The following FAT3 variants were observed in gnomAD, a reference collection of about 807,000 sequenced individuals.
FAT3 encodes protocadherin Fat 3.
Under a neutral mutation model 310.2 loss-of-function variants are expected in FAT3, and 95 were observed. The ratio of observed to expected loss-of-function variants is 0.31; its 90% CI spans 0.26 to 0.36. The LOEUF (loss-of-function observed/expected upper bound fraction) is 0.36. FAT3 is among the 10% of genes least tolerant of loss of function. The probability of loss-of-function intolerance (pLI) is 1.00; values close to 1 mark genes in which losing one functional copy is unlikely to be tolerated. For synonymous variants in FAT3, 2,314 were observed against 2,192.9 expected (o/e 1.06, Z -1.54); for missense variants, 5,408 against 5,715.6 (o/e 0.95, Z 1.74).
At chr11:92,638,133 C>G (rs1941834135) in intron 3 of FAT3, among the ~76,000 whole-genome samples, 1 of 152,100 alleles carries the variant, frequency 6.6e-6, no homozygotes, top group African/African-American at 2.4e-5. Flanking sequence ...CTGTCAGATG[C>G]CTTTCAGAAA....
chr11:92,437,294 A>T (rs1394297802), intron 2 of FAT3, among the ~76,000 whole-genome samples: 1 of 152,188 alleles, frequency 6.6e-6, no homozygotes, highest in East Asian at 1.9e-4. Flanking sequence ...ACCCACCTTC[A>T]TTCATTTTAA....
At chr11:92,324,251 A>T (rs187351462) in intron 1 of FAT3, among the ~76,000 whole-genome samples, 6 of 152,310 alleles carry the variant, frequency 3.9e-5, no homozygotes, top group African/African-American at 1.4e-4. Flanking sequence ...TTCAGTCACA[A>T]CTTGGCTAAT....
intron 2 of FAT3, among the ~76,000 whole-genome samples, chr11:92,430,871 T>C (rs1950752244): frequency 6.6e-6 from 1 of 152,200 alleles, no homozygotes; most frequent in African/African-American, 2.4e-5. Flanking sequence ...TAGTATTCCA[T>C]GGTGTATATG....
chr11:92,724,108 T>A (rs1217111780), intron 4 of FAT3, among the ~76,000 whole-genome samples: 1 of 152,182 alleles, frequency 6.6e-6, no homozygotes, highest in Non-Finnish European at 1.5e-5. Flanking sequence ...GTTGTGTTGT[T>A]CTTGTCTGAG....
intron 2 of FAT3, among the ~76,000 whole-genome samples, chr11:92,423,674 T>C (rs1331216415): frequency 1.3e-5 from 2 of 152,174 alleles, no homozygotes; most frequent in Non-Finnish European, 2.9e-5. Context: ...AATCTATGTC[T>C]GTAGAGAGAG....
rs1187770088 is a variant in FAT3 at position 92,573,472 on chromosome 11, T to C, written c.3607+48524T>C. Among the ~76,000 whole-genome samples, 8 of 152,154 alleles carry C rather than the reference T, an allele frequency of 5.3e-5. No individual in the cohort carries two copies. The East Asian group carries it at 1.5e-3, about 29-fold the overall frequency. On this transcript the variant is annotated intron_variant, in intron 3 of 27. Coordinates refer to ENST00000525166, the MANE Select transcript of FAT3 (RefSeq NM_001367949.2). ...TGAATAGTGGCTTCAAAAAGATATG[T>C]CCAAGCTTCAACTCCTGGTGCCTGA...
intron 1 of FAT3, among the ~76,000 whole-genome samples, chr11:92,341,060 G>C (rs1039698108): frequency 3.3e-5 from 5 of 152,148 alleles, no homozygotes; most frequent in African/African-American, 1.2e-4. Flanking sequence ...TGTCACATCT[G>C]GTCTATTTGT....
intron 4 of FAT3, among the ~76,000 whole-genome samples, chr11:92,737,520 C>CGTGT (rs371518565): frequency 1.3e-5 from 2 of 150,394 alleles, no homozygotes; most frequent in African/African-American, 4.9e-5. Flanking sequence ...TCACTGTGTA[C>CGTGT]GTGTGTGTGT....
At chr11:92,522,829 T>C (rs1953730604) in intron 2 of FAT3, among the ~76,000 whole-genome samples, 1 of 152,122 alleles carries the variant, frequency 6.6e-6, no homozygotes, top group Non-Finnish European at 1.5e-5. Context: ...GAATGTATGT[T>C]GCATGTATGT....
rs141008881 is a variant in FAT3, at chr11:92,409,631, T to G, written c.3292+54227T>G. ...AAAGTGCTGTCAAATTATTATCATT[T>G]TTTTGGTCCCAGTCCTTGTATTTGG... On this transcript the variant is annotated intron_variant, in intron 2 of 27. Coordinates refer to ENST00000525166, the MANE Select transcript of FAT3 (RefSeq NM_001367949.2). Among the ~76,000 whole-genome samples the G allele has an allele frequency of 3.0e-3, 454 of 152,296 alleles. 5 individuals carry two copies. The highest frequency in any genetic ancestry group is 0.024 in the Middle Eastern group (7 of 294).
At chr11:92,802,731 G>A (rs550189117) in intron 10 of FAT3, among the ~76,000 whole-genome samples, 7 of 152,258 alleles carry the variant, frequency 4.6e-5, no homozygotes, top group South Asian at 2.1e-4. Flanking sequence ...CATAAACAAA[G>A]TGCCAAAAGA....
intron 4 of FAT3, among the ~76,000 whole-genome samples, chr11:92,721,462 G>A (rs562421545): frequency 6.6e-6 from 1 of 152,116 alleles, no homozygotes. Flanking sequence ...CTCTGTCCTG[G>A]TGAAGGAATG....
chr11:92,490,120 T>G (rs1387761081), intron 2 of FAT3, among the ~76,000 whole-genome samples: 2 of 152,122 alleles, frequency 1.3e-5, no homozygotes, highest in Non-Finnish European at 2.9e-5. Flanking sequence ...ATATACTTTT[T>G]TAAGAATTAG....
At chr11:92,766,256 C>G (rs907752695) in intron 6 of FAT3, among the ~76,000 whole-genome samples, 2 of 152,156 alleles carry the variant, frequency 1.3e-5, no homozygotes, top group Non-Finnish European at 2.9e-5. Flanking sequence ...CAGGCTGTTG[C>G]TAAAACAGAG....
chr11:92,247,692 A>C (rs1864975700), intron 1 of FAT3, among the ~76,000 whole-genome samples: 1 of 151,332 alleles, frequency 6.6e-6, no homozygotes, highest in Admixed American at 6.6e-5. Flanking sequence ...TCTTTGCGGA[A>C]GTCTGCCTAT....
chr11:92,710,006 T>C (rs1944472029), intron 4 of FAT3, among the ~76,000 whole-genome samples: 1 of 152,194 alleles, frequency 6.6e-6, no homozygotes. Flanking sequence ...CTGATAAGTC[T>C]TGAAATTAGA....
intron 2 of FAT3, among the ~76,000 whole-genome samples, chr11:92,439,246 A>AG (rs1292131520): frequency 6.6e-6 from 1 of 152,204 alleles, no homozygotes; most frequent in African/African-American, 2.4e-5. Context: ...CTCTTTTAAA[A>AG]AAACAGGCCA....
chr11:92,287,931 G>T (rs1187215006), intron 1 of FAT3, among the ~76,000 whole-genome samples: 1 of 152,096 alleles, frequency 6.6e-6, no homozygotes, highest in African/African-American at 2.4e-5. Flanking sequence ...CGTTTTGCAG[G>T]CACAGAAAAA....
chr11:92,668,375 T>C (rs193078863), intron 3 of FAT3, among the ~76,000 whole-genome samples: 3 of 152,300 alleles, frequency 2.0e-5, no homozygotes, highest in Non-Finnish European at 4.4e-5. Context: ...TCTTTACCCA[T>C]AGGAGATTCA....
Sources: gnomAD v4.1 joint callset for allele counts (sites outside exome capture counted in the v4.1 genomes callset) on GRCh38, gnomAD v4.1.1 for gene constraint, MANE v1.5 for transcripts, NCBI Gene and HGNC (gene_info 2026-07-23, HGNC 2026-07-21) for gene names.